The following EPHA6 variants were observed in gnomAD, a reference collection of about 807,000 sequenced individuals.
The protein encoded by EPHA6 is ephrin type-A receptor 6.
Under a neutral mutation model 112.0 loss-of-function variants are expected in EPHA6, and 50 were observed. The ratio of observed to expected loss-of-function variants is 0.45; its 90% CI spans 0.36 to 0.56. The LOEUF (loss-of-function observed/expected upper bound fraction) is 0.56, where lower values mean the gene tolerates loss of function less well. Ranked by LOEUF, EPHA6 falls within the 20% of genes least tolerant of loss-of-function variation. EPHA6 has a pLI of 0.00. For synonymous variants in EPHA6, 529 were observed against 490.7 expected (o/e 1.08, Z -1.03); for missense variants, 1,280 against 1,417.4 (o/e 0.90, Z 1.56).
chr3:97,395,823 A>G (rs942300037), intron 5 of EPHA6, among the ~76,000 whole-genome samples: 29 of 151,742 alleles, frequency 1.9e-4, no homozygotes, highest in Non-Finnish European at 5.9e-5. Flanking sequence ...GAAAGAAAAG[A>G]GTAAAGAAGG....
chr3:97,347,720 T>C (rs1042324088), intron 5 of EPHA6, among the ~76,000 whole-genome samples: 2 of 152,096 alleles, frequency 1.3e-5, no homozygotes, highest in Admixed American at 6.6e-5. Flanking sequence ...AGCTTCAGTG[T>C]TGCCTCAACT....
chr3:97,467,384 T>A (rs752429915), intron 7 of EPHA6, among the ~76,000 whole-genome samples: 2 of 151,864 alleles, frequency 1.3e-5, no homozygotes, highest in African/African-American at 2.4e-5. Context: ...TGATCCCTAA[T>A]GATTATCCAT....
chr3:97,434,745 G>A (rs528598893), intron 6 of EPHA6, among the ~76,000 whole-genome samples: 23 of 152,224 alleles, frequency 1.5e-4, no homozygotes, highest in African/African-American at 5.3e-4. Context: ...ACAGGACAGA[G>A]CAGAGGCAGC....
chr3:97,300,246 C>A (rs978864456), intron 5 of EPHA6, among the ~76,000 whole-genome samples: 1 of 152,034 alleles, frequency 6.6e-6, no homozygotes. Flanking sequence ...GTCTTAAAAA[C>A]AGTAAAAAAA....
intron 14 of EPHA6, among the ~76,000 whole-genome samples, chr3:97,718,880 G>A (rs2034376702): frequency 6.6e-6 from 1 of 152,100 alleles, no homozygotes; most frequent in African/African-American, 2.4e-5. Flanking sequence ...AATATGGTGA[G>A]AAATTTCTAA....
At chr3:97,620,729 G>T (rs963339801) in intron 13 of EPHA6, among the ~76,000 whole-genome samples, 5 of 152,020 alleles carry the variant, frequency 3.3e-5, no homozygotes, top group African/African-American at 1.2e-4. Flanking sequence ...TCTCACACCA[G>T]TCAGAATGGC....
At chr3:97,744,581 C>T (rs557411994) in intron 16 of EPHA6, among the ~76,000 whole-genome samples, 5 of 151,980 alleles carry the variant, frequency 3.3e-5, no homozygotes, top group South Asian at 2.1e-4. Flanking sequence ...ACTGAAGATG[C>T]GTGGAGAGAA....
chr3:97,264,350 T>TAAG lies in EPHA6; in HGVS notation c.1606+20063_1606+20064insAAG, dbSNP rs774966390. On this transcript the variant is annotated intron_variant, in intron 5 of 17. Coordinates refer to ENST00000389672, the MANE Select transcript of EPHA6 (RefSeq NM_001080448.3). Reference sequence around the variant, plus strand: ...ATTGCGCACAGTTGGACATGCCAGCTGCTTCCACAGGACAGGCAGCTCCAG... The same window carrying TAAG: ...ATTGCGCACAGTTGGACATGCCAGCTAAGGCTTCCACAGGACAGGCAGCTCCAG... 1.8e-4 allele frequency among the ~76,000 whole-genome samples: 27 copies of TAAG among 152,366 alleles called. No homozygotes were observed. The East Asian group carries it at 5.2e-3, about 29-fold the overall frequency.
intron 2 of EPHA6, among the ~76,000 whole-genome samples, chr3:96,970,609 A>G (rs898923940): frequency 1.3e-5 from 2 of 152,068 alleles, no homozygotes; most frequent in Non-Finnish European, 1.5e-5. Flanking sequence ...ATTAATTTGT[A>G]TATTTAACAA....
intron 2 of EPHA6, among the ~76,000 whole-genome samples, chr3:96,951,332 G>A (rs1480772323): frequency 6.6e-6 from 1 of 151,886 alleles, no homozygotes; most frequent in Non-Finnish European, 1.5e-5. Flanking sequence ...TTTTTGTATT[G>A]AAGATAAAGT....
chr3:97,338,820 GA>G lies in EPHA6; in HGVS notation c.1607-66329del, dbSNP rs542137218. On this transcript the variant is annotated intron_variant, in intron 5 of 17. Coordinates refer to ENST00000389672, the MANE Select transcript of EPHA6 (RefSeq NM_001080448.3). The stretch of plus-strand genomic sequence containing the variant: ...ATAGAGATGCCAAAAGGGTGAACAA[GA>G]CTTAATGGAGGGGTGCTGAAACATT... Among the ~76,000 whole-genome samples the G allele has an allele frequency of 6.5e-4, 99 of 152,278 alleles. 1 individual carries two copies. Among genetic ancestry groups the G allele is most frequent in the Non-Finnish European group, 3.8e-4 (26 of 68,032 alleles).
In EPHA6 at chr3:97,472,492, A is replaced by G. The variant is rs375401870; in HGVS notation, c.1895-2860A>G. The stretch of plus-strand genomic sequence containing the variant: ...AGAATGATAAGATGTATCTGAAGAC[A>G]TACGCTAGAGCCATTTGTAGACAGC... On this transcript the variant is annotated intron_variant, in intron 7 of 17. Transcript: ENST00000389672. 1.8e-3 allele frequency among the ~76,000 whole-genome samples: 274 copies of G among 151,888 alleles called. 1 individual carries two copies. The highest frequency in any genetic ancestry group is 6.0e-3 in the African/African-American group (249 of 41,520).
chr3:97,626,847 G>T (rs2093861311), intron 13 of EPHA6, among the ~76,000 whole-genome samples: 1 of 151,782 alleles, frequency 6.6e-6, no homozygotes, highest in African/African-American at 2.4e-5. Context: ...CTGGAGAGCA[G>T]GTTTACCACC....
chr3:96,954,893 A>G (rs1446075077), intron 2 of EPHA6, among the ~76,000 whole-genome samples: 2 of 138,534 alleles, frequency 1.4e-5, no homozygotes, highest in African/African-American at 2.7e-5. Context: ...TCCCGGGTTC[A>G]CGCCATTCTC....
chr3:97,398,133 T>C (rs1292712586), intron 5 of EPHA6, among the ~76,000 whole-genome samples: 1 of 151,522 alleles, frequency 6.6e-6, no homozygotes, highest in Non-Finnish European at 1.5e-5. Context: ...GTGGCTATAA[T>C]TGAATTTCTT....
At chr3:97,146,916 C>T (rs914650848) in intron 3 of EPHA6, among the ~76,000 whole-genome samples, 2 of 150,830 alleles carry the variant, frequency 1.3e-5, no homozygotes. Flanking sequence ...ATGTAAATTG[C>T]TCTTTTAATT....
intron 15 of EPHA6, among the ~76,000 whole-genome samples, chr3:97,727,632 G>A (rs560811668): frequency 7.2e-5 from 11 of 152,052 alleles, no homozygotes; most frequent in Admixed American, 7.2e-4. Context: ...ACAGCAAATT[G>A]CTAAAAGCCC....
chr3:97,706,778 TTTGTTTTG>T (rs1262504446), intron 14 of EPHA6, among the ~76,000 whole-genome samples: 5 of 148,974 alleles, frequency 3.4e-5, no homozygotes, highest in Admixed American at 3.3e-4. Context: ...TGATCCCTCC[TTTGTTTTG>T]TTGTTTTTTT....
chr3:96,906,557 C>T (rs750534725), intron 2 of EPHA6, among the ~76,000 whole-genome samples: 12 of 152,050 alleles, frequency 7.9e-5, no homozygotes, highest in Admixed American at 1.3e-4. Context: ...TGACATGTCA[C>T]GTGCCCTTGT....
Sources: allele counts gnomAD v4.1 joint callset (sites outside exome capture counted in the v4.1 genomes callset), GRCh38; gene constraint gnomAD v4.1.1; transcripts MANE v1.5; gene names NCBI Gene and HGNC (gene_info 2026-07-23, HGNC 2026-07-21).